Variants in TCF4 observed in about 807,000 individuals in gnomAD.
TCF4 encodes the protein transcription factor 4.
A neutral mutation model predicts 82.1 loss-of-function variants in TCF4; 3 were observed. That is an observed-to-expected ratio of 0.04 (90% CI 0.02 to 0.09). The LOEUF is 0.09. Ranked by LOEUF, TCF4 falls within the 10% of genes least tolerant of loss-of-function variation. The pLI, the probability that TCF4 is intolerant of heterozygous loss-of-function variation, is 1.00. For synonymous variants in TCF4, 276 were observed against 309.6 expected (o/e 0.89, Z 1.14); for missense variants, 518 against 852.7 (o/e 0.61, Z 4.89).
chr18:55,476,220 T>A (rs1225865557), intron 3 of TCF4, among the ~76,000 whole-genome samples: 2 of 151,906 alleles, frequency 1.3e-5, no homozygotes, highest in African/African-American at 4.8e-5. Context: ...AAGGGGGAGA[T>A]AAGTTGAGTT....
At chr18:55,253,543 T>C (rs1290579514) in intron 15 of TCF4, among the ~76,000 whole-genome samples, 1 of 152,240 alleles carries the variant, frequency 6.6e-6, no homozygotes, top group East Asian at 1.9e-4. Context: ...TTCATAATCA[T>C]CCTCAAAAAG....
At chr18:55,493,260 G>A (rs55794506) in intron 3 of TCF4, among the ~76,000 whole-genome samples, 5,733 of 152,220 alleles carry the variant, frequency 0.038, 123 homozygotes, top group Non-Finnish European at 0.052. Flanking sequence ...CTTTTGGGCT[G>A]AGTTAGCATT....
intron 2 of TCF4, among the ~76,000 whole-genome samples, chr18:55,607,217 C>T (rs1194010268): frequency 6.6e-6 from 1 of 152,174 alleles, no homozygotes; most frequent in African/African-American, 2.4e-5. Context: ...CTCCCATCTT[C>T]TCGAGGAACC....
intron 8 of TCF4, among the ~76,000 whole-genome samples, chr18:55,288,813 T>G (rs969945295): frequency 6.6e-6 from 1 of 152,180 alleles, no homozygotes; most frequent in African/African-American, 2.4e-5. Context: ...AGAGGCTAAG[T>G]AACCGGCTGA....
chr18:55,513,969 G>A (rs2096854512), intron 3 of TCF4, among the ~76,000 whole-genome samples: 1 of 152,100 alleles, frequency 6.6e-6, no homozygotes, highest in African/African-American at 2.4e-5. Context: ...AGAGAAGCCT[G>A]GCTTTTCTTT....
chr18:55,351,379 A>G (rs2082277196), intron 6 of TCF4: 1 of 238,870 alleles, frequency 4.2e-6, no homozygotes, highest in Non-Finnish European at 8.2e-6. Flanking sequence ...GAAGAACCTC[A>G]TTTTGTGAAC....
At chr18:55,488,589 C>G (rs932918855) in intron 3 of TCF4, among the ~76,000 whole-genome samples, 3 of 152,134 alleles carry the variant, frequency 2.0e-5, no homozygotes, top group African/African-American at 7.2e-5. Context: ...AGAGACTACA[C>G]AGGGCAGGGA....
At chr18:55,249,153 T>C (rs1228055512) in intron 15 of TCF4, among the ~76,000 whole-genome samples, 1 of 152,140 alleles carries the variant, frequency 6.6e-6, no homozygotes, top group Non-Finnish European at 1.5e-5. Flanking sequence ...CCAGGGTACT[T>C]TTAGAATCTA....
intron 6 of TCF4, among the ~76,000 whole-genome samples, chr18:55,376,014 TCTC>T (rs1427479423): frequency 1.3e-5 from 2 of 149,906 alleles, no homozygotes; most frequent in African/African-American, 2.5e-5. Context: ...TATATTTTCT[TCTC>T]CTTTTTTTTT....
chr18:55,404,947 G>A (rs1181540218), intron 5 of TCF4, among the ~76,000 whole-genome samples: 4 of 152,224 alleles, frequency 2.6e-5, no homozygotes, highest in Admixed American at 6.5e-5. Context: ...CTGGTCTAGC[G>A]CTCAGCGCAA....
At chr18:55,541,550 T>A (rs183576156) in intron 3 of TCF4, among the ~76,000 whole-genome samples, 1 of 151,996 alleles carries the variant, frequency 6.6e-6, no homozygotes, top group African/African-American at 2.4e-5. Flanking sequence ...CACATATATA[T>A]CCTAAGCATA....
intron 3 of TCF4, among the ~76,000 whole-genome samples, chr18:55,553,962 T>C (rs1452915325): frequency 2.0e-5 from 3 of 152,164 alleles, no homozygotes; most frequent in Non-Finnish European, 4.4e-5. Flanking sequence ...TCAAAGCATA[T>C]TGCAATCATA....
At chr18:55,275,775 T>C (rs1168285945) in intron 9 of TCF4, 23 bp from the exon 10 acceptor site, 1 of 1,613,654 alleles carries the variant, frequency 6.2e-7, no homozygotes, top group Non-Finnish European at 8.5e-7. Context: ...AAGACAACCA[T>C]GACTTTCTGA....
At chr18:55,479,042 C>G (rs1182016453) in intron 3 of TCF4, among the ~76,000 whole-genome samples, 1 of 151,694 alleles carries the variant, frequency 6.6e-6, no homozygotes, top group African/African-American at 2.4e-5. Flanking sequence ...TTTGTTTTTG[C>G]ATTAACATTT....
At chr18:55,432,349 G>GCC (rs2095227697) in intron 5 of TCF4, among the ~76,000 whole-genome samples, 1 of 152,138 alleles carries the variant, frequency 6.6e-6, no homozygotes, top group Non-Finnish European at 1.5e-5. Context: ...TTGCAGCGCT[G>GCC]AACAGAGATT....
chr18:55,625,705 A>T, intron 2 of TCF4, among the ~76,000 whole-genome samples: 2 of 152,338 alleles, frequency 1.3e-5, no homozygotes, highest in South Asian at 4.1e-4. Flanking sequence ...TGTTGATGAT[A>T]TGAAGTCTTT....
chr18:55,472,364 T>C (rs1161139923), intron 3 of TCF4, among the ~76,000 whole-genome samples: 1 of 152,208 alleles, frequency 6.6e-6, no homozygotes, highest in East Asian at 1.9e-4. Context: ...TATATTAATT[T>C]ATATATTTGG....
intron 3 of TCF4, chr18:55,518,926 A>G (rs991556298): frequency 1.3e-5 from 2 of 152,182 alleles, no homozygotes; most frequent in African/African-American, 2.4e-5. Context: ...ATATTCTTAC[A>G]TATTTACACA....
intron 6 of TCF4, among the ~76,000 whole-genome samples, chr18:55,353,210 C>G (rs1421939018): frequency 6.6e-6 from 1 of 152,134 alleles, no homozygotes; most frequent in Non-Finnish European, 1.5e-5. Context: ...TGTCTTTTAG[C>G]AGCATTCACA....
Sources: gnomAD v4.1 joint callset for allele counts (sites outside exome capture counted in the v4.1 genomes callset) on GRCh38, gnomAD v4.1.1 for gene constraint, MANE v1.5 for transcripts, NCBI Gene and HGNC (gene_info 2026-07-23, HGNC 2026-07-21) for gene names.